TMEM140: variants seen among roughly 807,000 people sequenced by gnomAD.
TMEM140 encodes the protein transmembrane protein 140.
For synonymous variants in TMEM140, 107 were observed against 106.8 expected (o/e 1.00, Z -0.01); for missense variants, 236 against 228.5 (o/e 1.03, Z -0.21).
chr7:135,152,293 G>A (rs571040860), intron 1 of TMEM140, among the ~76,000 whole-genome samples: 41 of 152,190 alleles, frequency 2.7e-4, no homozygotes, highest in Admixed American at 6.5e-5. Flanking sequence ...TCTTCACTAC[G>A]TCAAATGGGA....
At chr7:135,148,642 T>C (rs1489604499) in intron 1 of TMEM140, among the ~76,000 whole-genome samples, 2 of 152,170 alleles carry the variant, frequency 1.3e-5, no homozygotes, top group Non-Finnish European at 2.9e-5. Flanking sequence ...CAGAAATAGG[T>C]AAACAAAAGC....
intron 1 of TMEM140, among the ~76,000 whole-genome samples, chr7:135,150,475 G>A (rs1281569743): frequency 1.3e-5 from 2 of 152,152 alleles, no homozygotes; most frequent in Non-Finnish European, 2.9e-5. Flanking sequence ...GATTCCCCAG[G>A]GCCTCTGATT....
intron 1 of TMEM140, among the ~76,000 whole-genome samples, chr7:135,163,629 A>T (rs1173195632): frequency 6.6e-6 from 1 of 152,218 alleles, no homozygotes; most frequent in Non-Finnish European, 1.5e-5. Flanking sequence ...TGGGTGACAG[A>T]GTGAGGCTCC....
intron 1 of TMEM140, 131 bp downstream of exon 1, chr7:135,148,401 T>G: frequency 3.2e-6 from 1 of 311,550 alleles, no homozygotes; most frequent in Non-Finnish European, 6.2e-6. Context: ...GTTCAGTATC[T>G]GTGACCCTCC....
chr7:135,148,373 TA>T (rs1194890466), intron 1 of TMEM140, 103 bp downstream of exon 1: 2 of 327,148 alleles, frequency 6.1e-6, no homozygotes, highest in Non-Finnish European at 1.2e-5. Flanking sequence ...GCAATCCACA[TA>T]GGGGAACTCA....
chr7:135,162,384 C>CT (rs1491162448), intron 1 of TMEM140, among the ~76,000 whole-genome samples: 1 of 152,218 alleles, frequency 6.6e-6, no homozygotes, highest in Non-Finnish European at 1.5e-5. Context: ...AAGCTTGAAG[C>CT]TCTGTGTTCC....
rs547577439 is a variant in TMEM140, at chr7:135,161,452, A to C, written c.-24-2966A>C. On this transcript the variant is annotated intron_variant, in intron 1 of 1. Transcript: ENST00000275767. The surrounding 1 kb of genome is among the most constrained non-coding windows in gnomAD (Gnocchi z 4.1). ...TGGTCCTGAACAATGGAGGAGGTCA[A>C]ACCTTCTTTTCCACAGCATGATGGT... Among the ~76,000 whole-genome samples, 1 of 152,324 alleles carries C rather than the reference A, an allele frequency of 6.6e-6. No homozygotes were observed. Among genetic ancestry groups the C allele is most frequent in the East Asian group, 1.9e-4 (1 of 5,184 alleles).
chr7:135,157,309 ATCTT>A (rs1829819799), intron 1 of TMEM140, among the ~76,000 whole-genome samples: 1 of 152,182 alleles, frequency 6.6e-6, no homozygotes, highest in African/African-American at 2.4e-5. Flanking sequence ...CAGTCGTGTG[ATCTT>A]TCTATGACTT....
intron 1 of TMEM140, among the ~76,000 whole-genome samples, chr7:135,159,220 T>A (rs1434962184): frequency 6.6e-6 from 1 of 152,250 alleles, no homozygotes; most frequent in East Asian, 1.9e-4. Context: ...TCAAAATGGA[T>A]CCACTTACTA....
intron 1 of TMEM140, among the ~76,000 whole-genome samples, chr7:135,160,745 AAAC>A (rs1248955407): frequency 1.3e-4 from 19 of 151,760 alleles, no homozygotes; most frequent in Non-Finnish European, 1.8e-4. Context: ...TAAAAAAAAA[AAAC>A]AAAAAAAAGA....
chr7:135,164,270 C>T lies in TMEM140; in HGVS notation c.-24-148C>T, dbSNP rs1830023480. ...GCAAATAGGTCCTGGCAGGAGGTTACCTCAGACTTCTGGTCCTTGGTGGAG... is the reference window on the plus strand; with the variant it reads ...GCAAATAGGTCCTGGCAGGAGGTTATCTCAGACTTCTGGTCCTTGGTGGAG... On this transcript the variant is annotated intron_variant, in intron 1 of 1. Transcript: ENST00000275767. The T allele has an allele frequency of 6.5e-6, 4 of 617,524 alleles. No individual in the cohort carries two copies. The South Asian group carries it at 9.3e-5, about 14-fold the overall frequency. The allele number at this position is 617,524 out of a possible 1,614,324, so 38.3% of individuals were successfully genotyped here.
chr7:135,163,062 C>T (rs946057644), intron 1 of TMEM140, among the ~76,000 whole-genome samples: 2 of 152,186 alleles, frequency 1.3e-5, no homozygotes, highest in South Asian at 2.1e-4. Flanking sequence ...ATTCCAAACA[C>T]GATTCACACA....
rs1195893935 is a variant in TMEM140, at chr7:135,161,963, C to T, written c.-24-2455C>T. Among the ~76,000 whole-genome samples, 1 of 152,216 alleles carries T rather than the reference C, an allele frequency of 6.6e-6. No individual in the cohort carries two copies. Among genetic ancestry groups the T allele is most frequent in the Non-Finnish European group, 1.5e-5 (1 of 68,026 alleles). ...GGGGAGGCGGTGGCAGTGTGGACCC[C>T]ACCCTTACTGTATTCACAGGCCCCA... On this transcript the variant is annotated intron_variant, in intron 1 of 1. Coordinates refer to ENST00000275767, the MANE Select transcript of TMEM140 (RefSeq NM_018295.5). This position sits in a 1 kb window ranked among gnomAD's most constrained non-coding sequence, Gnocchi z 4.1.
At chr7:135,157,151 T>C (rs571100371) in intron 1 of TMEM140, among the ~76,000 whole-genome samples, 16 of 152,200 alleles carry the variant, frequency 1.1e-4, no homozygotes, top group African/African-American at 3.9e-4. Flanking sequence ...TGCTTTTACA[T>C]GTTTCCTGTA....
rs1311304226 is a variant in TMEM140 at position 135,161,345 on chromosome 7, T to C, written c.-24-3073T>C. ...AAGCAAAACGTTTAATAATTTTTTT[T>C]GGAACCCCAGTGTAACAGAATTCAA... On this transcript the variant is annotated intron_variant, in intron 1 of 1. Transcript: ENST00000275767. This position sits in a 1 kb window ranked among gnomAD's most constrained non-coding sequence, Gnocchi z 4.1. Among the ~76,000 whole-genome samples, 1 of 152,222 alleles carries C rather than the reference T, an allele frequency of 6.6e-6. No homozygotes were observed.
rs1830055050 is a variant in TMEM140, at chr7:135,164,965, C to T, written c.524C>T (p.Ala175Val). ...LIAMAVFPLRAERAESKLESC is the reference protein window; with the variant it reads ...LIAMAVFPLRVERAESKLESC ...GCCATGGCTGTGTTCCCTCTGAGGG[C>T]TGAGAGGGCTGAGAGCAAGCTTGAG... Residue 175 changes from alanine to valine, a missense_variant, in exon 2 of 2, where the codon GCT (alanine) becomes GTT (valine). Transcript: ENST00000275767. 6.2e-7 allele frequency: 1 copy of T among 1,603,930 alleles called. No homozygotes were observed. Among genetic ancestry groups the T allele is most frequent in the Non-Finnish European group, 8.5e-7 (1 of 1,173,206 alleles).
chr7:135,153,346 C>G (rs1829708323), intron 1 of TMEM140, among the ~76,000 whole-genome samples: 1 of 148,978 alleles, frequency 6.7e-6, no homozygotes, highest in African/African-American at 2.5e-5. Flanking sequence ...CCTAGCTACT[C>G]GGGAGGCTGA....
chr7:135,156,153 AG>A lies in TMEM140; in HGVS notation c.-25+7884del, dbSNP rs572189854. ...TTTGGGATTTCCTTTATAGGTGACT[AG>A]TCACTTTTGCTAATTTTAAAATTCT... On this transcript the variant is annotated intron_variant, in intron 1 of 1. Transcript: ENST00000275767. 1.6e-3 allele frequency among the ~76,000 whole-genome samples: 248 copies of A among 152,246 alleles called. 2 individuals carry two copies. Among genetic ancestry groups the A allele is most frequent in the African/African-American group, 5.9e-3 (245 of 41,526 alleles).
chr7:135,159,051 G>A lies in TMEM140; in HGVS notation c.-24-5367G>A, dbSNP rs192326529. On this transcript the variant is annotated intron_variant, in intron 1 of 1. Coordinates refer to ENST00000275767, the MANE Select transcript of TMEM140 (RefSeq NM_018295.5). ...CAAGATTATAAAAGTTTGTTTTGGAGCCCTAGGGGGTTCTCTCTTACTGTT... is the reference window on the plus strand; with the variant it reads ...CAAGATTATAAAAGTTTGTTTTGGAACCCTAGGGGGTTCTCTCTTACTGTT... 5.1e-4 allele frequency among the ~76,000 whole-genome samples: 77 copies of A among 152,344 alleles called. 1 individual carries two copies. The East Asian group carries it at 0.014, about 28-fold the overall frequency.
Sources: allele counts gnomAD v4.1 joint callset (sites outside exome capture counted in the v4.1 genomes callset), GRCh38; gene constraint gnomAD v4.1.1; non-coding constraint Gnocchi (gnomAD v3.1); transcripts MANE v1.5; gene names NCBI Gene and HGNC (gene_info 2026-07-23, HGNC 2026-07-21).